The following GSK3B variants were observed in gnomAD, a reference collection of about 807,000 sequenced individuals.
GSK3B encodes glycogen synthase kinase 3 beta, also known as glycogen synthase kinase-3 beta.
Under a neutral mutation model 56.4 loss-of-function variants are expected in GSK3B, and 15 were observed. The ratio of observed to expected loss-of-function variants is 0.27; its 90% confidence interval spans 0.18 to 0.41. The LOEUF is 0.41. GSK3B is among the 10% of genes least tolerant of loss of function. The probability of loss-of-function intolerance (pLI) is 1.00; values close to 1 mark genes in which losing one functional copy is unlikely to be tolerated. For missense variants in GSK3B, 300 were observed against 513.4 expected, an observed-to-expected ratio of 0.58 and a Z score of 4.02; for synonymous variants, 181 against 188.9, an observed-to-expected ratio of 0.96 and a Z score of 0.34.
chr3:119,957,292 T>C (rs188067730), intron 2 of GSK3B, among the ~76,000 whole-genome samples: 1 of 152,296 alleles, frequency 6.6e-6, no homozygotes, highest in Admixed American at 6.5e-5. Flanking sequence ...CCCAATTTTA[T>C]AGAAACAATA....
At chr3:120,052,384 T>G (rs1470399046) in intron 1 of GSK3B, among the ~76,000 whole-genome samples, 3 of 152,168 alleles carry the variant, frequency 2.0e-5, no homozygotes, top group African/African-American at 7.2e-5. Context: ...AGTACTGCCA[T>G]GGGTTAAATT....
chr3:120,025,361 A>C (rs1012244525), intron 1 of GSK3B, among the ~76,000 whole-genome samples: 4 of 152,164 alleles, frequency 2.6e-5, no homozygotes, highest in African/African-American at 9.7e-5. Flanking sequence ...TCTTAGCAGA[A>C]CAAAACATCA....
intron 10 of GSK3B, among the ~76,000 whole-genome samples, chr3:119,838,987 C>T (rs1041611585): frequency 5.9e-5 from 9 of 152,176 alleles, no homozygotes; most frequent in Admixed American, 4.6e-4. Flanking sequence ...GCAGTTCCCT[C>T]AGTGTTAATG....
intron 2 of GSK3B, among the ~76,000 whole-genome samples, chr3:120,001,574 T>C (rs2057677471): frequency 6.6e-6 from 1 of 152,144 alleles, no homozygotes. Context: ...CCTCTTTTCT[T>C]TATAAATTAC....
intron 7 of GSK3B, among the ~76,000 whole-genome samples, chr3:119,879,011 T>C (rs144572566): frequency 4.6e-5 from 7 of 152,316 alleles, no homozygotes; most frequent in African/African-American, 1.4e-4. Context: ...ACTTATCAAG[T>C]TGAATACTTT....
Position 120,093,624 on chromosome 3 carries a change from TC to T in GSK3B, c.-191del, listed in dbSNP as rs1228042353. On this transcript the variant is annotated 5_prime_UTR_variant, in exon 1 of 11. Transcript: ENST00000264235. ...AAAAACAAAACAAGCGATATATTTCTCCTTCAAGACAGATCGGCACGGATAT... is the reference window on the plus strand; with the variant it reads ...AAAAACAAAACAAGCGATATATTTCTCTTCAAGACAGATCGGCACGGATAT... The T allele has an allele frequency of 3.8e-6, 2 of 526,354 alleles. No individual in the cohort carries two copies. Among genetic ancestry groups the T allele is most frequent in the Non-Finnish European group, 6.9e-6 (2 of 290,852 alleles). The allele number at this position is 526,354 out of a possible 1,614,324, so 32.6% of individuals were successfully genotyped here.
chr3:119,934,374 AT>A (rs1266132588), intron 3 of GSK3B, among the ~76,000 whole-genome samples: 3 of 152,204 alleles, frequency 2.0e-5, no homozygotes, highest in Non-Finnish European at 4.4e-5. Context: ...CAGTTTTATC[AT>A]TAAAAAAGCA....
intron 1 of GSK3B, among the ~76,000 whole-genome samples, chr3:120,045,380 A>C (rs904137690): frequency 6.6e-6 from 1 of 151,814 alleles, no homozygotes; most frequent in African/African-American, 2.4e-5. Context: ...CTAATCAATA[A>C]CTCACATCTG....
At chr3:120,071,827 T>G (rs2058329000) in intron 1 of GSK3B, among the ~76,000 whole-genome samples, 1 of 152,246 alleles carries the variant, frequency 6.6e-6, no homozygotes, top group South Asian at 2.1e-4. Context: ...AAAGCAGTCC[T>G]GGTGCCAAGA....
chr3:119,855,460 C>G (rs1233206254), intron 9 of GSK3B, among the ~76,000 whole-genome samples: 1 of 152,138 alleles, frequency 6.6e-6, no homozygotes. Flanking sequence ...ACCATTTGAC[C>G]CAGCCATCCC....
chr3:119,915,952 T>C, intron 5 of GSK3B, 92 bp downstream of exon 5: 2 of 833,418 alleles, frequency 2.4e-6, no homozygotes, highest in South Asian at 3.5e-5. Flanking sequence ...TTACTGTGTT[T>C]AGGCTGATAT....
chr3:119,869,246 A>AAAAAAT, intron 8 of GSK3B, among the ~76,000 whole-genome samples: 1 of 147,340 alleles, frequency 6.8e-6, no homozygotes, highest in Non-Finnish European at 1.5e-5. Context: ...AAAAAAAAAA[A>AAAAAAT]CATATATTCT....
chr3:120,012,616 C>T (rs149127978), intron 1 of GSK3B, among the ~76,000 whole-genome samples: 7 of 152,292 alleles, frequency 4.6e-5, no homozygotes, highest in African/African-American at 1.2e-4. Flanking sequence ...CCCCTCATGA[C>T]GCAATGAAAA....
rs140304606 is a variant in GSK3B at position 119,893,438 on chromosome 3, T to C, written c.813+12317A>G. The stretch of plus-strand genomic sequence containing the variant: ...GCAACCATTTTCTTGGGGTGCAATA[T>C]TTCTCTCTCAGGGTTTCCTTCTAAT... On this transcript the variant is annotated intron_variant, in intron 7 of 10. Transcript: ENST00000264235. Among the ~76,000 whole-genome samples the C allele has an allele frequency of 1.7e-3, 256 of 152,224 alleles. 1 individual carries two copies. Among genetic ancestry groups the C allele is most frequent in the African/African-American group, 6.0e-3 (249 of 41,536 alleles).
chr3:119,832,564 G>A (rs1429587763), intron 10 of GSK3B, among the ~76,000 whole-genome samples: 2 of 151,994 alleles, frequency 1.3e-5, no homozygotes, highest in East Asian at 1.9e-4. Context: ...TGAGGGAATC[G>A]CTGACAAAAT....
chr3:119,837,583 G>A (rs1471997546), intron 10 of GSK3B, among the ~76,000 whole-genome samples: 1 of 151,988 alleles, frequency 6.6e-6, no homozygotes, highest in Non-Finnish European at 1.5e-5. Context: ...AATGAAAGGT[G>A]AACTGAAATC....
intron 1 of GSK3B, among the ~76,000 whole-genome samples, chr3:120,049,391 A>G (rs1288966612): frequency 2.0e-5 from 3 of 151,512 alleles, no homozygotes; most frequent in Non-Finnish European, 4.4e-5. Context: ...GTTAAATACA[A>G]CAAAAGCGGT....
chr3:119,828,928 C>T (rs1293977906), intron 10 of GSK3B, among the ~76,000 whole-genome samples: 3 of 152,174 alleles, frequency 2.0e-5, no homozygotes, highest in Non-Finnish European at 4.4e-5. Flanking sequence ...AGAATCCACA[C>T]ATTAGGTTCA....
chr3:119,994,000 T>G (rs1381010614), intron 2 of GSK3B, among the ~76,000 whole-genome samples: 3 of 152,114 alleles, frequency 2.0e-5, no homozygotes, highest in Non-Finnish European at 2.9e-5. Context: ...CAGCCTCCCT[T>G]ACAGGCACCC....
Sources: gnomAD v4.1 joint callset for allele counts (sites outside exome capture counted in the v4.1 genomes callset) on GRCh38, gnomAD v4.1.1 for gene constraint, MANE v1.5 for transcripts, NCBI Gene and HGNC (gene_info 2026-07-23, HGNC 2026-07-21) for gene names.